Variants in IL17RC observed in about 807,000 individuals in gnomAD.
The protein encoded by IL17RC is interleukin-17 receptor C.
Under a neutral mutation model 86.7 loss-of-function variants are expected in IL17RC, and 53 were observed. The ratio of observed to expected loss-of-function variants is 0.61; its 90% confidence interval spans 0.49 to 0.77. The LOEUF (loss-of-function observed/expected upper bound fraction) is 0.77, where lower values mean the gene tolerates loss of function less well. Ranked by LOEUF, IL17RC falls within the 30% of genes least tolerant of loss-of-function variation. The pLI is 0.00. For synonymous variants in IL17RC, 439 were observed against 413.1 expected, an observed-to-expected ratio of 1.06 and a Z score of -0.76; for missense variants, 957 against 940.0, an observed-to-expected ratio of 1.02 and a Z score of -0.24.
At position 9,917,514 on chromosome 3, in the gene IL17RC, G is replaced by T; in HGVS notation, c.105+94G>T. ...CCTGGCTCCTGTCACTGCTGCCACT[G>T]CCAGAACTGCCCTGTCTGGTCTGTC... On this transcript the variant is annotated intron_variant, in intron 1 of 18. Transcript: ENST00000403601. The T allele has an allele frequency of 3.1e-6, 5 of 1,614,194 alleles. No homozygotes were observed. The highest frequency in any genetic ancestry group is 4.2e-6 in the Non-Finnish European group (5 of 1,180,032).
chr3:9,933,046 A>C lies in IL17RC; in HGVS notation c.1616A>C (p.Gln539Pro). Residue 539 changes from glutamine (Q) to proline (P), a missense_variant, in exon 19 of 19, where the codon CAG (glutamine) becomes CCG (proline). By Grantham distance (76) the Gln-to-Pro change is moderately conservative. Transcript: ENST00000403601. Reference sequence around the variant, plus strand: ...GGCGCCCTGGCGTCGGCCCTGTGCCAGCTGCCGCTGCGCGTGGCCGTAGAC... The same window carrying C: ...GGCGCCCTGGCGTCGGCCCTGTGCCCGCTGCCGCTGCGCGTGGCCGTAGAC... ...LVGALASALCQLPLRVAVDLW... is the reference protein window; with the variant it reads ...LVGALASALCPLPLRVAVDLW... The C allele has an allele frequency of 6.5e-7, 1 of 1,548,714 alleles. No homozygotes were observed. Among genetic ancestry groups the C allele is most frequent in the Non-Finnish European group, 8.6e-7 (1 of 1,156,982 alleles).
Position 9,930,339 on chromosome 3 carries a change from T to C in IL17RC, c.1279-61T>C, listed in dbSNP as rs1473853626. 3 of 1,589,370 alleles carry C rather than the reference T, an allele frequency of 1.9e-6. No homozygotes were observed. The highest frequency in any genetic ancestry group is 4.5e-5 in the East Asian group (2 of 44,690). ...CTCATTCTACCCAGCTGTAGCCTGG[T>C]AGGTGCTGCCCTAAGGGTGCTACCT... On this transcript the variant is annotated intron_variant, in intron 14 of 18. Coordinates refer to ENST00000403601, the MANE Select transcript of IL17RC (RefSeq NM_153460.4). This position sits in a 1 kb window ranked among gnomAD's most constrained non-coding sequence, Gnocchi z 5.8.
intron 5 of IL17RC, among the ~76,000 whole-genome samples, chr3:9,919,367 G>A (rs571463961): frequency 1.3e-5 from 2 of 151,946 alleles, no homozygotes; most frequent in South Asian, 4.2e-4. Context: ...AGTTCTGGCC[G>A]GGCACAGTGG....
intron 5 of IL17RC, 178 bp from the exon 6 acceptor site, chr3:9,920,313 A>T: frequency 1.7e-6 from 1 of 572,188 alleles, no homozygotes; most frequent in Non-Finnish European, 3.1e-6. Flanking sequence ...CATTTGCTTT[A>T]GAATTGAGGC....
chr3:9,928,091 C>T, intron 9 of IL17RC, 75 bp from the exon 10 acceptor site: 3 of 1,382,706 alleles, frequency 2.2e-6, no homozygotes, highest in Non-Finnish European at 2.1e-6. Context: ...TGAATGAGTG[C>T]ATCCCCACTG....
At chr3:9,924,788 T>C (rs1427896724) in intron 9 of IL17RC, among the ~76,000 whole-genome samples, 1 of 152,156 alleles carries the variant, frequency 6.6e-6, no homozygotes, top group East Asian at 1.9e-4. Context: ...TGCTGGCTCT[T>C]TCCTCTTCCT....
At position 9,918,608 on chromosome 3, in the gene IL17RC, TGG is replaced by T. The variant is rs761199832; in HGVS notation, c.465_465+1del. On this transcript the variant is annotated splice_donor_variant and coding_sequence_variant, in exon 5 of 19. Coordinates refer to ENST00000403601, the MANE Select transcript of IL17RC (RefSeq NM_153460.4). LOFTEE classifies it high-confidence loss of function. The stretch of plus-strand genomic sequence containing the variant: ...GCCCTTGTGCAGTTTGGTCAGTCTG[TGG>T]TATGCAAAATAATAATAATCACCTT... 5.0e-6 allele frequency: 8 copies of T among 1,602,702 alleles called. No homozygotes were observed. The highest frequency in any genetic ancestry group is 1.7e-5 in the Admixed American group (1 of 60,000).
rs1421379013 is a variant in IL17RC at position 9,923,880 on chromosome 3, G to T, written c.623-1G>T. On this transcript the variant is annotated splice_acceptor_variant, in intron 7 of 18. Coordinates refer to ENST00000403601, the MANE Select transcript of IL17RC (RefSeq NM_153460.4). LOFTEE classifies it high-confidence loss of function. ...TGCGCTCTCTTTGCCTCTCCCACCA[G>T]CCCTGCCCTGGCTCAACGTGTCAGC... 1 of 1,613,784 alleles carries T rather than the reference G, an allele frequency of 6.2e-7. No homozygotes were observed. Among genetic ancestry groups the T allele is most frequent in the Non-Finnish European group, 8.5e-7 (1 of 1,179,952 alleles).
Position 9,933,560 on chromosome 3 carries a change from A to G in IL17RC, c.2130A>G (p.Pro710=). 6.2e-7 allele frequency: 1 copy of G among 1,605,952 alleles called. No individual in the cohort carries two copies. The highest frequency in any genetic ancestry group is 8.5e-7 in the Non-Finnish European group (1 of 1,176,430). ...CCGCGCCGGGACGCGGGGTGGGACCAGGCGCGGGACCTGGGGCGGGGGACG... is the reference window on the plus strand; with the variant it reads ...CCGCGCCGGGACGCGGGGTGGGACCGGGCGCGGGACCTGGGGCGGGGGACG... ...GTPAPGRGVG[P]GAGPGAGDGT The change falls in exon 19 of 19, where the codon CCA becomes CCG. Residue 710 remains proline (P), a synonymous_variant. Coordinates refer to ENST00000403601, the MANE Select transcript of IL17RC (RefSeq NM_153460.4).
At chr3:9,918,127 G>C in intron 3 of IL17RC, 52 bp downstream of exon 3, 4 of 1,533,206 alleles carry the variant, frequency 2.6e-6, no homozygotes, top group Non-Finnish European at 3.5e-6. Context: ...TGTGTCTGGG[G>C]TGGGCATGAG....
In IL17RC at chr3:9,933,132, C is replaced by T. The variant is rs772655789; in HGVS notation, c.1702C>T (p.Arg568Cys). Residue 568 changes from arginine to cysteine, a missense_variant, in exon 19 of 19, where the codon CGC becomes TGC. Arg to Cys is a radical substitution (Grantham distance 180). Transcript: ENST00000403601. ...CGTGGCTTGGTTTCACGCGCAGCGG[C>T]GCCAGACCCTGCAGGAGGGCGGCGT... ...GPVAWFHAQR[R>C]QTLQEGGVVV... The T allele has an allele frequency of 6.3e-7, 1 of 1,593,878 alleles. No individual in the cohort carries two copies.
At chr3:9,929,037 A>G (rs560724571) in intron 12 of IL17RC, 67 of 172,424 alleles carry the variant, frequency 3.9e-4, no homozygotes, top group Admixed American at 2.2e-3. Context: ...TCATCCGGCC[A>G]GGCGCGGTGG....
rs1314404821 is a variant in IL17RC at position 9,917,153 on chromosome 3, A to T, written c.-163A>T. On this transcript the variant is annotated 5_prime_UTR_variant, in exon 1 of 19. Transcript: ENST00000403601. ...AGGAGAGTCAGGACTCCCAGGACAG[A>T]GAGTGCACAAACTACCCAGCACAGC... 2.1e-4 allele frequency: 126 copies of T among 612,816 alleles called. No homozygotes were observed. Among genetic ancestry groups the T allele is most frequent in the Non-Finnish European group, 2.0e-5 (7 of 347,460 alleles). 38.0% of individuals were successfully genotyped at this position (612,816 alleles called of 1,614,324 possible).
chr3:9,918,277 A>C, intron 3 of IL17RC, 58 bp from the exon 4 acceptor site: 1 of 1,490,552 alleles, frequency 6.7e-7, no homozygotes, highest in Non-Finnish European at 9.1e-7. Flanking sequence ...CCAACGCCAA[A>C]GCCAGCCAGC....
intron 9 of IL17RC, among the ~76,000 whole-genome samples, chr3:9,926,831 C>T (rs1372768426): frequency 1.3e-5 from 2 of 151,928 alleles, no homozygotes; most frequent in Non-Finnish European, 2.9e-5. Flanking sequence ...GCATGTTGGC[C>T]AGATGGTCTC....
intron 5 of IL17RC, among the ~76,000 whole-genome samples, chr3:9,919,477 C>T (rs1369519570): frequency 2.0e-5 from 3 of 151,440 alleles, no homozygotes; most frequent in East Asian, 1.9e-4. Context: ...ACCCTGCCTC[C>T]ACTAAAAAAA....
rs2084301978 is a variant in IL17RC at position 9,928,314 on chromosome 3, C to T, written c.887C>T (p.Ala296Val). Residue 296 changes from alanine (A) to valine (V), a missense_variant, in exon 11 of 19, where the codon GCA becomes GTA. Coordinates refer to ENST00000403601, the MANE Select transcript of IL17RC (RefSeq NM_153460.4). ...TGCCCTTTCCTTGCAGACCCCCGCGCACACCAGAACCTCTGGCAAGCCGCC... is the reference window on the plus strand; with the variant it reads ...TGCCCTTTCCTTGCAGACCCCCGCGTACACCAGAACCTCTGGCAAGCCGCC... ...NICPFREDPR[A>V]HQNLWQAARL... 1.9e-6 allele frequency: 3 copies of T among 1,605,610 alleles called. No homozygotes were observed. Among genetic ancestry groups the T allele is most frequent in the Non-Finnish European group, 2.6e-6 (3 of 1,174,154 alleles).
intron 16 of IL17RC, among the ~76,000 whole-genome samples, chr3:9,931,470 C>CACACACACATATATATATATAT (rs750351615): frequency 1.8e-4 from 8 of 43,720 alleles, no homozygotes; most frequent in Non-Finnish European, 3.2e-4. Flanking sequence ...CACACACACA[C>CACACACACATATATATATATAT]ATATATATAT....
intron 16 of IL17RC, among the ~76,000 whole-genome samples, chr3:9,932,011 T>C (rs2084760450): frequency 6.6e-6 from 1 of 152,130 alleles, no homozygotes; most frequent in African/African-American, 2.4e-5. Context: ...GGCATTGTGT[T>C]AAGTATGTAT....
Sources: gnomAD v4.1 joint callset for allele counts (sites outside exome capture counted in the v4.1 genomes callset) on GRCh38, gnomAD v4.1.1 for gene constraint, Gnocchi (gnomAD v3.1) non-coding constraint, MANE v1.5 for transcripts, NCBI Gene and HGNC (gene_info 2026-07-23, HGNC 2026-07-21) for gene names.